Variants in GSE1 observed in about 807,000 individuals in gnomAD.
GSE1 encodes Gse1 coiled-coil protein, also known as genetic suppressor element 1.
Under a neutral mutation model 112.6 loss-of-function variants are expected in GSE1, and 32 were observed. That is an observed-to-expected ratio of 0.28 (90% confidence interval 0.21 to 0.38). The LOEUF (loss-of-function observed/expected upper bound fraction) is 0.38. GSE1 is among the 10% of genes least tolerant of loss of function. GSE1 has a pLI of 1.00. For missense variants in GSE1, 2,348 were observed against 1,699.2 expected (o/e 1.38, Z -6.71); for synonymous variants, 1,115 against 735.6 (o/e 1.52, Z -8.35).
chr16:85,202,189 G>A (rs557487295), intron 1 of GSE1, among the ~76,000 whole-genome samples: 3 of 152,236 alleles, frequency 2.0e-5, no homozygotes, highest in African/African-American at 7.2e-5. Context: ...TGCCTGGGCA[G>A]TGAGGGCTGG....
chr16:85,326,234 A>G (rs1023971950), intron 1 of GSE1, among the ~76,000 whole-genome samples: 5 of 152,014 alleles, frequency 3.3e-5, no homozygotes, highest in African/African-American at 1.2e-4. Context: ...CTAAGGGTTA[A>G]TGAGGAGGAC....
At chr16:85,433,338 T>C (rs143798125) in intron 2 of GSE1, among the ~76,000 whole-genome samples, 1 of 152,170 alleles carries the variant, frequency 6.6e-6, no homozygotes, top group South Asian at 2.1e-4. Context: ...AGTTACCAGA[T>C]TATAAAAGTA....
At chr16:85,570,227 C>T (rs1189343058) in intron 1 of GSE1, among the ~76,000 whole-genome samples, 1 of 152,130 alleles carries the variant, frequency 6.6e-6, no homozygotes, top group Admixed American at 6.6e-5. Flanking sequence ...GGTCAGTGTC[C>T]ATCTTCAAGG....
intron 1 of GSE1, among the ~76,000 whole-genome samples, chr16:85,356,190 T>G (rs1236501233): frequency 6.6e-6 from 1 of 152,218 alleles, no homozygotes; most frequent in Non-Finnish European, 1.5e-5. Flanking sequence ...AACGGGCAGT[T>G]GGCGTCGTCA....
intron 1 of GSE1, among the ~76,000 whole-genome samples, chr16:85,243,973 A>G (rs1418040700): frequency 6.6e-6 from 1 of 152,182 alleles, no homozygotes; most frequent in African/African-American, 2.4e-5. Flanking sequence ...CTAAAAATAC[A>G]AAATTAGCCA....
chr16:85,250,646 T>G (rs1906369443), intron 1 of GSE1, among the ~76,000 whole-genome samples: 1 of 152,136 alleles, frequency 6.6e-6, no homozygotes. Flanking sequence ...TTAAGTGCAG[T>G]TTTTTTTATA....
upstream of GSE1, chr16:85,611,406 G>T (rs1216886701): frequency 1.1e-6 from 1 of 945,488 alleles, no homozygotes; most frequent in East Asian, 1.2e-4. Flanking sequence ...GCGCGGCCGA[G>T]CCACCGTGTG....
chr16:85,431,268 G>A (rs1429307974), intron 2 of GSE1, among the ~76,000 whole-genome samples: 1 of 152,220 alleles, frequency 6.6e-6, no homozygotes, highest in African/African-American at 2.4e-5. Context: ...GCTGCTGGCA[G>A]AAGCCAGCCT....
In GSE1 at chr16:85,415,314, C is replaced by T. The variant is rs532869910; in HGVS notation, c.2464+57671C>T. 2.0e-5 allele frequency among the ~76,000 whole-genome samples: 3 copies of T among 152,330 alleles called. No homozygotes were observed. The South Asian group carries it at 6.2e-4, about 32-fold the overall frequency. ...CCCTGGGGAGGGAGTGTGTCCTCTT[C>T]ATGTCTACAGAGGACCTACAGCAGA... On this transcript the variant is annotated intron_variant, in intron 2 of 2. Transcript: ENST00000637419.
intron 2 of GSE1, among the ~76,000 whole-genome samples, chr16:85,545,908 G>A (rs1167996413): frequency 5.3e-5 from 8 of 151,742 alleles, no homozygotes; most frequent in Non-Finnish European, 1.2e-4. Flanking sequence ...TCAGCCTCCC[G>A]AGTAGCTGGG....
intron 2 of GSE1, among the ~76,000 whole-genome samples, chr16:85,497,501 G>A (rs964814529): frequency 2.6e-5 from 4 of 152,138 alleles, no homozygotes; most frequent in Non-Finnish European, 4.4e-5. Flanking sequence ...ACAGGGTCAC[G>A]GTTCCCTGAG....
chr16:85,503,400 T>C (rs2051434611), intron 2 of GSE1, among the ~76,000 whole-genome samples: 1 of 152,120 alleles, frequency 6.6e-6, no homozygotes, highest in African/African-American at 2.4e-5. Context: ...CTCCTCCTCC[T>C]CCTCACAAAT....
chr16:85,547,386 C>G (rs925682879), intron 2 of GSE1, among the ~76,000 whole-genome samples: 1 of 152,188 alleles, frequency 6.6e-6, no homozygotes, highest in Non-Finnish European at 1.5e-5. Context: ...TTCCAGCACC[C>G]GGGGAATCCA....
At chr16:85,546,027 T>C (rs2044687094) in intron 2 of GSE1, among the ~76,000 whole-genome samples, 1 of 152,212 alleles carries the variant, frequency 6.6e-6, no homozygotes, top group Non-Finnish European at 1.5e-5. Flanking sequence ...CCTCGTGATC[T>C]GCCCACCTCG....
At chr16:85,650,787 G>A (rs1434787189) in intron 3 of GSE1, among the ~76,000 whole-genome samples, 1 of 152,048 alleles carries the variant, frequency 6.6e-6, no homozygotes, top group Non-Finnish European at 1.5e-5. Flanking sequence ...GCAGAGAGAG[G>A]ATTCCCCTCC....
chr16:85,609,877 G>A (rs1044852890), upstream of GSE1, among the ~76,000 whole-genome samples: 1 of 152,028 alleles, frequency 6.6e-6, no homozygotes, highest in African/African-American at 2.4e-5. Context: ...GGCCGGTCTC[G>A]AACTCCTGAT....
upstream of GSE1, among the ~76,000 whole-genome samples, chr16:85,608,790 A>G (rs1176682135): frequency 6.6e-6 from 1 of 152,240 alleles, no homozygotes; most frequent in Non-Finnish European, 1.5e-5. Context: ...TGAATGGCAC[A>G]GGTGATCTTT....
At chr16:85,193,981 TTGTG>T (rs1232997939) in intron 1 of GSE1, among the ~76,000 whole-genome samples, 5 of 152,212 alleles carry the variant, frequency 3.3e-5, no homozygotes, top group African/African-American at 7.2e-5. Context: ...GCGCGCGTGT[TTGTG>T]TGTGCGTACA....
chr16:85,322,835 C>T (rs903380802), intron 1 of GSE1, among the ~76,000 whole-genome samples: 3 of 151,998 alleles, frequency 2.0e-5, no homozygotes, highest in Non-Finnish European at 2.9e-5. Context: ...AGGCTGGTCT[C>T]GAACTTCTGA....
Sources: allele counts gnomAD v4.1 joint callset (sites outside exome capture counted in the v4.1 genomes callset), GRCh38; gene constraint gnomAD v4.1.1; transcripts MANE v1.5; gene names NCBI Gene and HGNC (gene_info 2026-07-23, HGNC 2026-07-21).